Variants in GHR observed in about 807,000 individuals in gnomAD.
The protein encoded by GHR is growth hormone receptor.
GHR carries 35 observed loss-of-function variants against 67.1 expected under a neutral mutation model. The ratio of observed to expected loss-of-function variants is 0.52; its 90% CI spans 0.40 to 0.69. GHR has a LOEUF of 0.69. Among genes scored for constraint, GHR ranks in the 30% least tolerant of loss-of-function variants. The pLI is 0.00. For synonymous variants in GHR, 272 were observed against 269.1 expected, an observed-to-expected ratio of 1.01 and a Z score of -0.10; for missense variants, 792 against 764.6, an observed-to-expected ratio of 1.04 and a Z score of -0.42.
At position 42,711,846 on chromosome 5, in the gene GHR, G is replaced by A. The variant is rs368409883; in HGVS notation, c.784+474G>A. Among the ~76,000 whole-genome samples, 47 of 152,140 alleles carry A rather than the reference G, an allele frequency of 3.1e-4. No individual in the cohort carries two copies. In the South Asian group the frequency reaches 9.5e-3, roughly 31 times the overall value. On this transcript the variant is annotated intron_variant, in intron 7 of 9. Transcript: ENST00000230882. ...TAGGTAGTCAACAGCAGGTGCATAC[G>A]GTTTTAGAAAGCGGAGGTGTGGCTT...
intron 4 of GHR, among the ~76,000 whole-genome samples, chr5:42,691,000 T>C (rs1285193688): frequency 6.6e-6 from 1 of 152,208 alleles, no homozygotes; most frequent in Non-Finnish European, 1.5e-5. Flanking sequence ...CCAAATTTGA[T>C]GAGCAAAAAG....
intron 1 of GHR, among the ~76,000 whole-genome samples, chr5:42,556,735 G>A (rs1365981705): frequency 6.6e-6 from 1 of 151,746 alleles, no homozygotes; most frequent in Admixed American, 6.6e-5. Flanking sequence ...AGCTTAGTGA[G>A]TTGACAAACA....
At chr5:42,666,507 G>T (rs1755985242) in intron 3 of GHR, among the ~76,000 whole-genome samples, 1 of 152,010 alleles carries the variant, frequency 6.6e-6, no homozygotes, top group Admixed American at 6.6e-5. Context: ...TATTAATGTT[G>T]CATTTAGGAA....
At chr5:42,445,619 A>T (rs1743777115) in intron 1 of GHR, among the ~76,000 whole-genome samples, 1 of 152,224 alleles carries the variant, frequency 6.6e-6, no homozygotes, top group Non-Finnish European at 1.5e-5. Context: ...TTTTCTCAAA[A>T]TATTCCTGAT....
intron 2 of GHR, among the ~76,000 whole-genome samples, chr5:42,594,210 C>G (rs1751945392): frequency 6.6e-6 from 1 of 152,178 alleles, no homozygotes; most frequent in Non-Finnish European, 1.5e-5. Context: ...AAATGTGACC[C>G]CTTTTAGTAT....
At position 42,583,682 on chromosome 5, in the gene GHR, C is replaced by T. The variant is rs957315148; in HGVS notation, c.70+17738C>T. On this transcript the variant is annotated intron_variant, in intron 2 of 9. Coordinates refer to ENST00000230882, the MANE Select transcript of GHR (RefSeq NM_000163.5). ...AAAGACCCTGGCATTTATTCAAGGG[C>T]TTTTTAAAGGTTTCAAAAATCTACC... Among the ~76,000 whole-genome samples the T allele has an allele frequency of 2.4e-4, 36 of 152,060 alleles. 1 individual carries two copies. The highest frequency in any genetic ancestry group is 1.5e-5 in the Non-Finnish European group (1 of 68,022).
At chr5:42,477,151 C>A (rs35068598) in intron 1 of GHR, among the ~76,000 whole-genome samples, 1 of 150,612 alleles carries the variant, frequency 6.6e-6, no homozygotes, top group Non-Finnish European at 1.5e-5. Context: ...TTTTTCCTTG[C>A]GATACTTTGC....
At chr5:42,610,765 A>G (rs976726573) in intron 2 of GHR, among the ~76,000 whole-genome samples, 1 of 152,164 alleles carries the variant, frequency 6.6e-6, no homozygotes, top group East Asian at 1.9e-4. Flanking sequence ...ACATCAGTGC[A>G]GTGCCAAGAA....
rs922199695 is a variant in GHR, at chr5:42,424,738, C to T, written c.-12+783C>T. On this transcript the variant is annotated intron_variant, in intron 1 of 9. Coordinates refer to ENST00000230882, the MANE Select transcript of GHR (RefSeq NM_000163.5). The surrounding 1 kb of genome is among the most constrained non-coding windows in gnomAD (Gnocchi z 4.1). ...TGGCCGCGTGTCTAGGGAGAGGGCG[C>T]TGGCGGCGCAGAGGGTGCGGGGCAG... 11 of 935,648 alleles carry T rather than the reference C, an allele frequency of 1.2e-5. No homozygotes were observed. In the South Asian group the frequency reaches 1.5e-4, roughly 13 times the overall value. 58.0% of individuals were successfully genotyped at this position (935,648 alleles called of 1,614,324 possible). A position where few individuals can be genotyped will look rare whatever the true frequency, so the allele number is the denominator to read the frequency against.
chr5:42,595,666 C>T (rs567992724), intron 2 of GHR, among the ~76,000 whole-genome samples: 10 of 152,340 alleles, frequency 6.6e-5, no homozygotes, highest in African/African-American at 2.2e-4. Flanking sequence ...TTGAGTGGGA[C>T]TGCTTGAGTA....
At chr5:42,707,818 T>C (rs573377139) in intron 6 of GHR, among the ~76,000 whole-genome samples, 1 of 152,220 alleles carries the variant, frequency 6.6e-6, no homozygotes, top group East Asian at 1.9e-4. Context: ...AAATTTTCGA[T>C]GTCACACTTA....
chr5:42,549,101 G>T (rs186150226), intron 1 of GHR, among the ~76,000 whole-genome samples: 8 of 152,232 alleles, frequency 5.3e-5, no homozygotes, highest in Non-Finnish European at 1.2e-4. Context: ...GAAGGAAAGA[G>T]AAATAGGGCT....
At chr5:42,519,894 GT>G (rs1330594508) in intron 1 of GHR, among the ~76,000 whole-genome samples, 10 of 152,246 alleles carry the variant, frequency 6.6e-5, no homozygotes, top group Middle Eastern at 3.4e-3. Flanking sequence ...AAGTACAGTT[GT>G]TTTTGCTGCA....
intron 1 of GHR, among the ~76,000 whole-genome samples, chr5:42,445,761 C>T (rs1371186606): frequency 6.6e-6 from 1 of 152,164 alleles, no homozygotes; most frequent in Non-Finnish European, 1.5e-5. Context: ...GAAGTTCTGA[C>T]TTGTTAAGCT....
chr5:42,477,096 T>C (rs1745368185), intron 1 of GHR, among the ~76,000 whole-genome samples: 1 of 141,774 alleles, frequency 7.1e-6, no homozygotes, highest in Non-Finnish European at 1.5e-5. Flanking sequence ...TGTGTTCTCA[T>C]TGTTCAATTC....
intron 3 of GHR, among the ~76,000 whole-genome samples, chr5:42,645,880 G>A (rs1386811451): frequency 6.6e-6 from 1 of 152,208 alleles, no homozygotes; most frequent in Non-Finnish European, 1.5e-5. Context: ...GGTTGTCTCA[G>A]AACTGAGGAG....
intron 1 of GHR, among the ~76,000 whole-genome samples, chr5:42,530,096 G>A (rs1368635799): frequency 6.8e-6 from 1 of 146,352 alleles, no homozygotes; most frequent in African/African-American, 2.6e-5. Context: ...TATATTCAAG[G>A]TGTATGACAT....
chr5:42,437,985 A>T (rs1743405694), intron 1 of GHR, among the ~76,000 whole-genome samples: 2 of 152,182 alleles, frequency 1.3e-5, no homozygotes, highest in South Asian at 4.1e-4. Flanking sequence ...AGAGAAAAAA[A>T]AATCGCATTA....
intron 3 of GHR, among the ~76,000 whole-genome samples, chr5:42,650,578 C>CGTATAT (rs1754966720): frequency 7.7e-6 from 1 of 129,050 alleles, no homozygotes; most frequent in Non-Finnish European, 1.6e-5. Context: ...TTACAGATAA[C>CGTATAT]ATATATATAT....
Sources: gnomAD v4.1 joint callset for allele counts (sites outside exome capture counted in the v4.1 genomes callset) on GRCh38, gnomAD v4.1.1 for gene constraint, Gnocchi (gnomAD v3.1) non-coding constraint, MANE v1.5 for transcripts, NCBI Gene and HGNC (gene_info 2026-07-23, HGNC 2026-07-21) for gene names.